The following CSMD1 variants were observed in gnomAD, a reference collection of about 807,000 sequenced individuals.
CSMD1 encodes the protein CUB and Sushi multiple domains 1, also known as CUB and sushi domain-containing protein 1.
A neutral mutation model predicts 417.5 loss-of-function variants in CSMD1; 213 were observed. That is an observed-to-expected ratio of 0.51 (90% confidence interval 0.46 to 0.57). CSMD1 has a LOEUF of 0.57. CSMD1 is among the 20% of genes least tolerant of loss of function. The pLI, the probability that CSMD1 is intolerant of heterozygous loss-of-function variation, is 0.00. For synonymous variants in CSMD1, 2,862 were observed against 1,736.8 expected (o/e 1.65, Z -16.11); for missense variants, 6,923 against 4,529.7 (o/e 1.53, Z -15.17).
At chr8:4,411,710 A>C (rs1796657479) in intron 3 of CSMD1, among the ~76,000 whole-genome samples, 1 of 152,214 alleles carries the variant, frequency 6.6e-6, no homozygotes, top group Non-Finnish European at 1.5e-5. Context: ...GAAAGCATAT[A>C]TATATGTGTG....
At chr8:4,196,834 G>A (rs555902351) in intron 3 of CSMD1, among the ~76,000 whole-genome samples, 1 of 152,092 alleles carries the variant, frequency 6.6e-6, no homozygotes, top group African/African-American at 2.4e-5. Context: ...CACTGGGGGT[G>A]ATATTTAGCC....
chr8:3,091,737 G>C, intron 47 of CSMD1, 75 bp from the exon 48 acceptor site: 1 of 1,350,226 alleles, frequency 7.4e-7, no homozygotes, highest in Non-Finnish European at 1.0e-6. Context: ...TTTAGCTTTT[G>C]ATTACACTGG....
At chr8:4,335,654 T>C (rs1433780037) in intron 3 of CSMD1, among the ~76,000 whole-genome samples, 1 of 152,150 alleles carries the variant, frequency 6.6e-6, no homozygotes, top group East Asian at 1.9e-4. Flanking sequence ...AAATGAAAAG[T>C]TGCTGGGAGC....
intron 1 of CSMD1, among the ~76,000 whole-genome samples, chr8:4,669,654 C>T (rs1221355054): frequency 1.3e-5 from 2 of 152,138 alleles, no homozygotes; most frequent in Non-Finnish European, 2.9e-5. Flanking sequence ...AAGTTCTTAA[C>T]ATTTTATAGT....
chr8:4,067,670 C>G, intron 3 of CSMD1, among the ~76,000 whole-genome samples: 1 of 152,144 alleles, frequency 6.6e-6, no homozygotes, highest in Non-Finnish European at 1.5e-5. Flanking sequence ...TGCAGTCTCA[C>G]CACCTAACTT....
chr8:4,743,491 C>A (rs1196438771), intron 1 of CSMD1, among the ~76,000 whole-genome samples: 2 of 152,144 alleles, frequency 1.3e-5, no homozygotes, highest in Non-Finnish European at 2.9e-5. Flanking sequence ...ACCGGAGCGT[C>A]AAGTACCATG....
intron 3 of CSMD1, among the ~76,000 whole-genome samples, chr8:4,095,311 T>G (rs184670780): frequency 2.0e-5 from 3 of 152,280 alleles, no homozygotes; most frequent in African/African-American, 7.2e-5. Context: ...TGTTATTACC[T>G]GATATAACAT....
At chr8:4,900,515 C>G (rs1340877179) in intron 1 of CSMD1, among the ~76,000 whole-genome samples, 1 of 152,132 alleles carries the variant, frequency 6.6e-6, no homozygotes, top group Non-Finnish European at 1.5e-5. Flanking sequence ...TTCTGGTCTG[C>G]CAGTCTCTGA....
At chr8:3,132,291 T>A (rs931787572) in intron 41 of CSMD1, among the ~76,000 whole-genome samples, 2 of 152,188 alleles carry the variant, frequency 1.3e-5, no homozygotes, top group Non-Finnish European at 1.5e-5. Flanking sequence ...TCTTTTTTTT[T>A]TTTAATTCCT....
intron 36 of CSMD1, among the ~76,000 whole-genome samples, chr8:3,183,945 C>G (rs1348349687): frequency 2.6e-5 from 4 of 152,098 alleles, no homozygotes; most frequent in Non-Finnish European, 4.4e-5. Flanking sequence ...TGATCTTTTC[C>G]TAATTCAATG....
chr8:3,670,942 T>G (rs1177875034), intron 7 of CSMD1, among the ~76,000 whole-genome samples: 2 of 131,298 alleles, frequency 1.5e-5, no homozygotes, highest in African/African-American at 5.5e-5. Flanking sequence ...TATATATGTA[T>G]GGGTATATGT....
chr8:4,532,973 C>T (rs1796912246), intron 2 of CSMD1, among the ~76,000 whole-genome samples: 1 of 151,914 alleles, frequency 6.6e-6, no homozygotes, highest in Non-Finnish European at 1.5e-5. Flanking sequence ...CACCGTCATT[C>T]ACAGTCACTC....
rs144954788 is a variant in CSMD1, at chr8:4,957,543, T to C, written c.85+36789A>G. Among the ~76,000 whole-genome samples, 974 of 152,248 alleles carry C rather than the reference T, an allele frequency of 6.4e-3. 7 individuals carry two copies. The highest frequency in any genetic ancestry group is 0.011 in the Admixed American group (166 of 15,292). On this transcript the variant is annotated intron_variant, in intron 1 of 69. Transcript: ENST00000635120. Reference sequence around the variant, plus strand: ...TTTTCTGAAGTGCTTATATGAGAAATTCATTGTGATATCAGTGTCTTTGTA... The same window carrying C: ...TTTTCTGAAGTGCTTATATGAGAAACTCATTGTGATATCAGTGTCTTTGTA...
At chr8:4,454,090 G>T (rs1478212705) in intron 2 of CSMD1, among the ~76,000 whole-genome samples, 1 of 152,060 alleles carries the variant, frequency 6.6e-6, no homozygotes, top group African/African-American at 2.4e-5. Context: ...CCTAAGTGCT[G>T]GGATTACAGG....
In CSMD1 at chr8:2,965,899, G is replaced by C. The variant is rs766235760; in HGVS notation, c.9156C>G (p.Asp3052Glu). 1.9e-6 allele frequency: 3 copies of C among 1,610,462 alleles called. No individual in the cohort carries two copies. The South Asian group carries it at 3.3e-5, about 18-fold the overall frequency. Residue 3052 changes from aspartate (D) to glutamate (E), a missense_variant, in exon 59 of 70, where the codon GAC becomes GAG. Transcript: ENST00000635120. The part of the protein sequence containing the change: ...TLANGIQFGT[D>E]FTFNKTVSYQ... Reference sequence around the variant, plus strand: ...AGCTCACAGTCTTGTTGAAGGTGAAGTCGGTCCCAAACTGGATGCCATTTG... The same window carrying C: ...AGCTCACAGTCTTGTTGAAGGTGAACTCGGTCCCAAACTGGATGCCATTTG...
At chr8:3,375,198 T>C (rs962653603) in intron 18 of CSMD1, 4 of 152,228 alleles carry the variant, frequency 2.6e-5, no homozygotes, top group African/African-American at 7.2e-5. Context: ...GGATGTCACC[T>C]TGGAGTCACC....
chr8:4,047,705 G>C (rs73658543), intron 3 of CSMD1, among the ~76,000 whole-genome samples: 5,799 of 152,092 alleles, frequency 0.038, 343 homozygotes, highest in African/African-American at 0.12. Context: ...ATTTGTAATA[G>C]CTCAGTGGAT....
intron 51 of CSMD1, among the ~76,000 whole-genome samples, chr8:3,026,523 A>C (rs1249826889): frequency 6.7e-6 from 1 of 149,896 alleles, no homozygotes; most frequent in East Asian, 2.0e-4. Flanking sequence ...GACCTCACTC[A>C]GCCTCACGGG....
intron 3 of CSMD1, among the ~76,000 whole-genome samples, chr8:4,259,533 A>G (rs981701149): frequency 1.5e-5 from 1 of 66,298 alleles, no homozygotes; most frequent in African/African-American, 3.6e-5. Context: ...AGTTTTTAAA[A>G]AATGTCTTTT....
Sources: allele counts gnomAD v4.1 joint callset (sites outside exome capture counted in the v4.1 genomes callset), GRCh38; gene constraint gnomAD v4.1.1; transcripts MANE v1.5; gene names NCBI Gene and HGNC (gene_info 2026-07-23, HGNC 2026-07-21).